Variants in HHAT observed in about 807,000 individuals in gnomAD.
The protein encoded by HHAT is protein-cysteine N-palmitoyltransferase HHAT.
In HHAT, 47 loss-of-function variants were observed where a neutral mutation model predicts 70.8. That is an observed-to-expected ratio of 0.66 (90% confidence interval 0.53 to 0.85). The LOEUF is 0.85. HHAT is among the 40% of genes least tolerant of loss of function. HHAT has a pLI of 0.00. For synonymous variants in HHAT, 228 were observed against 247.6 expected (o/e 0.92, Z 0.74); for missense variants, 609 against 604.8 (o/e 1.01, Z -0.07).
At chr1:210,446,350 C>T (rs1001427346) in intron 7 of HHAT, among the ~76,000 whole-genome samples, 1 of 152,156 alleles carries the variant, frequency 6.6e-6, no homozygotes, top group African/African-American at 2.4e-5. Flanking sequence ...ATATGTTCTT[C>T]CTGTTTATGG....
chr1:210,671,284 G>A (rs964020018), intron 11 of HHAT, among the ~76,000 whole-genome samples: 2 of 152,174 alleles, frequency 1.3e-5, no homozygotes, highest in Admixed American at 6.5e-5. Flanking sequence ...TGTGTCCAAA[G>A]CCCGCTCCCC....
At position 210,548,023 on chromosome 1, in the gene HHAT, T is replaced by C. The variant is rs181316381; in HGVS notation, c.1043+34835T>C. On this transcript the variant is annotated intron_variant, in intron 9 of 11. Coordinates refer to ENST00000261458, the MANE Select transcript of HHAT (RefSeq NM_018194.6). The stretch of plus-strand genomic sequence containing the variant: ...TTATAGGAAACAGTCCAAGAAGGTC[T>C]TGGGGAAAACTCTGAGATAATTGCA... Among the ~76,000 whole-genome samples, 8 of 152,338 alleles carry C rather than the reference T, an allele frequency of 5.3e-5. No individual in the cohort carries two copies. The East Asian group carries it at 1.5e-3, about 29-fold the overall frequency.
intron 6 of HHAT, among the ~76,000 whole-genome samples, chr1:210,411,187 T>C (rs1243010909): frequency 6.6e-6 from 1 of 152,180 alleles, no homozygotes; most frequent in Non-Finnish European, 1.5e-5. Context: ...GGGCTGTTGG[T>C]TCTGGCCTCC....
At chr1:210,612,490 C>T (rs909069808) in intron 10 of HHAT, among the ~76,000 whole-genome samples, 3 of 152,126 alleles carry the variant, frequency 2.0e-5, no homozygotes, top group Non-Finnish European at 4.4e-5. Flanking sequence ...AAACTTCTTG[C>T]CTTTTTAAGG....
At chr1:210,431,194 G>C (rs1292405365) in intron 7 of HHAT, among the ~76,000 whole-genome samples, 1 of 151,854 alleles carries the variant, frequency 6.6e-6, no homozygotes, top group East Asian at 1.9e-4. Context: ...TTTCTGGCTT[G>C]GGGTTTTGAG....
At chr1:210,668,261 A>G (rs1185839550) in intron 11 of HHAT, among the ~76,000 whole-genome samples, 1 of 152,216 alleles carries the variant, frequency 6.6e-6, no homozygotes, top group Non-Finnish European at 1.5e-5. Flanking sequence ...GAATTATTCT[A>G]TGAACATGGC....
At chr1:210,397,173 A>G (rs2091835672) in intron 4 of HHAT, among the ~76,000 whole-genome samples, 1 of 152,240 alleles carries the variant, frequency 6.6e-6, no homozygotes, top group Non-Finnish European at 1.5e-5. Flanking sequence ...TCTTGTATGT[A>G]TATGTGAATA....
chr1:210,542,966 A>G (rs1024285509), intron 9 of HHAT, among the ~76,000 whole-genome samples: 4 of 152,212 alleles, frequency 2.6e-5, no homozygotes, highest in African/African-American at 9.7e-5. Context: ...GTTTGCCAAC[A>G]GAGGTAGATT....
At chr1:210,383,292 G>C (rs1419966329) in intron 3 of HHAT, among the ~76,000 whole-genome samples, 1 of 152,158 alleles carries the variant, frequency 6.6e-6, no homozygotes, top group East Asian at 1.9e-4. Flanking sequence ...GTGAGCCGAG[G>C]TTGTGCTATT....
intron 7 of HHAT, among the ~76,000 whole-genome samples, chr1:210,438,091 T>C (rs1011614831): frequency 6.6e-6 from 1 of 151,826 alleles, no homozygotes; most frequent in African/African-American, 2.4e-5. Context: ...GAGAGAAGGA[T>C]AGCCACATAG....
chr1:210,472,764 A>G (rs2094227084), intron 8 of HHAT, among the ~76,000 whole-genome samples: 1 of 152,236 alleles, frequency 6.6e-6, no homozygotes, highest in Admixed American at 6.5e-5. Flanking sequence ...AGGAGATATA[A>G]CACATCAATG....
At chr1:210,398,225 T>C (rs2091897769) in intron 4 of HHAT, among the ~76,000 whole-genome samples, 1 of 152,236 alleles carries the variant, frequency 6.6e-6, no homozygotes, top group African/African-American at 2.4e-5. Context: ...CAGTTTCGTG[T>C]AGGTGATTCT....
intron 8 of HHAT, among the ~76,000 whole-genome samples, chr1:210,492,488 G>A (rs1219992959): frequency 2.0e-5 from 3 of 152,194 alleles, no homozygotes; most frequent in Admixed American, 2.0e-4. Context: ...CACTTTGAGA[G>A]ATACTACCAA....
intron 2 of HHAT, among the ~76,000 whole-genome samples, chr1:210,359,630 C>A (rs1412913444): frequency 2.6e-5 from 4 of 152,106 alleles, no homozygotes; most frequent in African/African-American, 9.7e-5. Context: ...CCTTAAAAAA[C>A]CCCAGTCTCA....
chr1:210,410,739 T>C (rs1250254779), intron 6 of HHAT, among the ~76,000 whole-genome samples: 1 of 151,536 alleles, frequency 6.6e-6, no homozygotes, highest in Non-Finnish European at 1.5e-5. Flanking sequence ...TTGGCCAGGC[T>C]AGTCTTGAAC....
chr1:210,497,796 G>T, intron 8 of HHAT, among the ~76,000 whole-genome samples: 1 of 148,552 alleles, frequency 6.7e-6, no homozygotes, highest in South Asian at 2.1e-4. Context: ...GACAGAGTCT[G>T]GCTCTGTTGC....
intron 11 of HHAT, among the ~76,000 whole-genome samples, chr1:210,663,406 T>C (rs1558386340): frequency 6.6e-6 from 1 of 152,242 alleles, no homozygotes; most frequent in Non-Finnish European, 1.5e-5. Flanking sequence ...AAGCTGCTGC[T>C]GTCTGAGCTT....
intron 3 of HHAT, among the ~76,000 whole-genome samples, chr1:210,378,514 G>T (rs2090399972): frequency 6.6e-6 from 1 of 152,062 alleles, no homozygotes; most frequent in Non-Finnish European, 1.5e-5. Context: ...TAAACTGGTT[G>T]GTAAGGTAGG....
intron 10 of HHAT, among the ~76,000 whole-genome samples, chr1:210,620,917 T>A (rs1030941243): frequency 1.3e-5 from 2 of 150,462 alleles, no homozygotes; most frequent in Non-Finnish European, 3.0e-5. Context: ...CCTAAGTAGA[T>A]ATAGGAATTT....
Sources: allele counts gnomAD v4.1 joint callset (sites outside exome capture counted in the v4.1 genomes callset), GRCh38; gene constraint gnomAD v4.1.1; transcripts MANE v1.5; gene names NCBI Gene and HGNC (gene_info 2026-07-23, HGNC 2026-07-21).